The following DUOX1 variants were observed in gnomAD, a reference collection of about 807,000 sequenced individuals.
The protein encoded by DUOX1 is dual oxidase 1.
A neutral mutation model predicts 181.8 loss-of-function variants in DUOX1; 134 were observed. That is an observed-to-expected ratio of 0.74 (90% confidence interval 0.64 to 0.85). The LOEUF (loss-of-function observed/expected upper bound fraction) is 0.85, where lower values mean the gene tolerates loss of function less well. DUOX1 is among the 40% of genes least tolerant of loss of function. DUOX1 has a pLI of 0.00. For missense variants in DUOX1, 1,814 were observed against 2,064.4 expected (o/e 0.88, Z 2.35); for synonymous variants, 798 against 832.5 (o/e 0.96, Z 0.71).
chr15:45,136,715 T>C lies in DUOX1; in HGVS notation c.1022+90T>C, dbSNP rs1896327880. On this transcript the variant is annotated intron_variant, in intron 9 of 33. Coordinates refer to ENST00000389037, the MANE Select transcript of DUOX1 (RefSeq NM_175940.3). ...CCCTCAGGAGCCCTCTGTACAGGAT[T>C]ATCAGTCTGAAGTGTCCCCAAGGGA... The C allele has an allele frequency of 2.4e-6, 3 of 1,241,730 alleles. No homozygotes were observed. The South Asian group carries it at 3.7e-5, about 15-fold the overall frequency. 76.9% of individuals were successfully genotyped at this position (1,241,730 alleles called of 1,614,324 possible).
rs181487318 is a variant in DUOX1, at chr15:45,148,245, C to G, written c.2643-27C>G. 3 of 1,613,358 alleles carry G rather than the reference C, an allele frequency of 1.9e-6. No homozygotes were observed. In the Admixed American group the frequency reaches 5.0e-5, roughly 27 times the overall value. On this transcript the variant is annotated intron_variant, in intron 20 of 33. Coordinates refer to ENST00000389037, the MANE Select transcript of DUOX1 (RefSeq NM_175940.3). ...CTGGGTCGCAGGCCCCAGTCAGGGC[C>G]GGATGGTTCCTCTCCCCCAACCCCA...
intron 31 of DUOX1, 97 bp downstream of exon 31, chr15:45,162,474 C>T: frequency 6.6e-7 from 1 of 1,505,068 alleles, no homozygotes; most frequent in Non-Finnish European, 9.0e-7. Context: ...TCTTGGCTTC[C>T]CTGAACTGGG....
At chr15:45,149,035 A>C (rs1009454681) in intron 21 of DUOX1, among the ~76,000 whole-genome samples, 3 of 152,054 alleles carry the variant, frequency 2.0e-5, no homozygotes, top group South Asian at 2.1e-4. Context: ...CCAGTGTCTG[A>C]TTCAAGTGGG....
intron 2 of DUOX1, among the ~76,000 whole-genome samples, chr15:45,133,200 G>A (rs1001542299): frequency 3.9e-5 from 6 of 152,136 alleles, no homozygotes; most frequent in Non-Finnish European, 7.3e-5. Context: ...CCTCATTTTG[G>A]AGAATACAAC....
chr15:45,142,841 G>C (rs1439860294), intron 15 of DUOX1, among the ~76,000 whole-genome samples: 1 of 151,396 alleles, frequency 6.6e-6, no homozygotes, highest in Non-Finnish European at 1.5e-5. Context: ...AGTCGCTGGA[G>C]TGAGGGCTTG....
intron 28 of DUOX1, among the ~76,000 whole-genome samples, chr15:45,156,868 G>C (rs979291880): frequency 1.3e-5 from 2 of 152,092 alleles, no homozygotes; most frequent in Non-Finnish European, 2.9e-5. Context: ...TGCCTAGCTG[G>C]TTAGTTCCCG....
intron 27 of DUOX1, among the ~76,000 whole-genome samples, chr15:45,154,409 G>T (rs1896914082): frequency 6.6e-6 from 1 of 152,124 alleles, no homozygotes; most frequent in Admixed American, 6.5e-5. Flanking sequence ...CCAGACAGAG[G>T]CGCCTACCCA....
chr15:45,148,733 G>C (rs1896726655), intron 21 of DUOX1, among the ~76,000 whole-genome samples: 1 of 152,132 alleles, frequency 6.6e-6, no homozygotes, highest in African/African-American at 2.4e-5. Context: ...CAGCTCTGCT[G>C]GTGGGGTGGG....
At chr15:45,130,349 G>A (rs1896071507) in intron 1 of DUOX1, among the ~76,000 whole-genome samples, 1 of 152,182 alleles carries the variant, frequency 6.6e-6, no homozygotes, top group Non-Finnish European at 1.5e-5. Flanking sequence ...AGTTTGCCTG[G>A]GCCTGCGGGT....
chr15:45,135,200 A>G lies in DUOX1; in HGVS notation c.404A>G (p.Asp135Gly), dbSNP rs145381622. 1.2e-5 allele frequency: 19 copies of G among 1,613,346 alleles called. No individual in the cohort carries two copies. In the African/African-American group the frequency reaches 2.1e-4, roughly 18 times the overall value. ...IRIPPGDPMF[D>G]PDQRGDVVLP... ...ATCCCGCCCGGAGACCCCATGTTCG[A>G]CCCCGACCAGCGCGGGGACGTGGTG... Residue 135 changes from aspartate to glycine, a missense_variant, in exon 5 of 34, where the codon GAC (aspartate) becomes GGC (glycine). Asp to Gly is a moderately conservative substitution (Grantham distance 94). Transcript: ENST00000389037.
At chr15:45,146,421 T>C (rs766650442) in intron 18 of DUOX1, among the ~76,000 whole-genome samples, 13 of 152,184 alleles carry the variant, frequency 8.5e-5, no homozygotes, top group Non-Finnish European at 1.6e-4. Flanking sequence ...TCTCCACTCA[T>C]TCAGGATCCT....
intron 21 of DUOX1, among the ~76,000 whole-genome samples, chr15:45,149,175 C>A (rs991025892): frequency 2.6e-5 from 4 of 152,168 alleles, no homozygotes. Flanking sequence ...CCAAACCCAG[C>A]CCCTCCCAGA....
chr15:45,155,643 C>T, intron 27 of DUOX1, 159 bp from the exon 28 acceptor site: 2 of 885,948 alleles, frequency 2.3e-6, no homozygotes. Flanking sequence ...ATGAAAGGTA[C>T]CTGTGATCAG....
Position 45,145,068 on chromosome 15 carries a change from C to T in DUOX1, c.2310C>T (p.His770=), listed in dbSNP as rs564401981. 6.2e-7 allele frequency: 1 copy of T among 1,604,592 alleles called. No individual in the cohort carries two copies. The highest frequency in any genetic ancestry group is 1.1e-5 in the South Asian group (1 of 89,188). The change falls in exon 18 of 34, where the codon CAC becomes CAT. Residue 770 remains histidine (H), a synonymous_variant. Transcript: ENST00000389037. ...ACCTCCTGGAGACCTTTTTCAGGCACCTTTTCTCCCAGGTGTGTACATGGG... is the reference window on the plus strand; with the variant it reads ...ACCTCCTGGAGACCTTTTTCAGGCATCTTTTCTCCCAGGTGTGTACATGGG... ...RRHLLETFFR[H]LFSQVLDINQ...
chr15:45,140,551 A>C (rs1363792766), intron 12 of DUOX1: 2 of 206,046 alleles, frequency 9.7e-6, no homozygotes, highest in African/African-American at 4.6e-5. Context: ...AAGAATAGAA[A>C]CCTTTTATAA....
At chr15:45,163,101 C>T (rs2141313089) in intron 31 of DUOX1, among the ~76,000 whole-genome samples, 1 of 152,354 alleles carries the variant, frequency 6.6e-6, no homozygotes, top group East Asian at 1.9e-4. Context: ...CGCAGGGCAG[C>T]TTCCACCCGC....
intron 27 of DUOX1, 151 bp downstream of exon 27, chr15:45,154,151 G>A: frequency 1.4e-6 from 1 of 725,864 alleles, no homozygotes; most frequent in Non-Finnish European, 2.4e-6. Flanking sequence ...TACTGGGTGG[G>A]CAGGAGACTT....
intron 29 of DUOX1, among the ~76,000 whole-genome samples, chr15:45,161,423 A>G (rs1197456357): frequency 8.4e-6 from 1 of 119,564 alleles, no homozygotes; most frequent in South Asian, 3.3e-4. Flanking sequence ...GTCAAAAAAA[A>G]AAAAAAAAAA....
In DUOX1 at chr15:45,165,266, G is replaced by T. The variant is rs1897201690; in HGVS notation, c.*365G>T. 9.3e-6 allele frequency: 2 copies of T among 214,740 alleles called. No homozygotes were observed. The highest frequency in any genetic ancestry group is 1.8e-5 in the Non-Finnish European group (2 of 108,870). 13.3% of individuals were successfully genotyped at this position (214,740 alleles called of 1,614,324 possible). A position where few individuals can be genotyped will look rare whatever the true frequency, so the allele number is the denominator to read the frequency against. ...CTGTATGTGTGTTGGGGCGGTGAGT[G>T]TAAGGATGCAGTGGGAGCATGGATG... On this transcript the variant is annotated 3_prime_UTR_variant, in exon 34 of 34. Transcript: ENST00000389037.
Sources: allele counts gnomAD v4.1 joint callset (sites outside exome capture counted in the v4.1 genomes callset), GRCh38; gene constraint gnomAD v4.1.1; transcripts MANE v1.5; gene names NCBI Gene and HGNC (gene_info 2026-07-23, HGNC 2026-07-21).